The following ADGRV1 variants were observed in gnomAD, a reference collection of about 807,000 sequenced individuals.
ADGRV1 encodes adhesion G protein-coupled receptor V1.
Under a neutral mutation model 596.2 loss-of-function variants are expected in ADGRV1, and 359 were observed. That is an observed-to-expected ratio of 0.60 (90% confidence interval 0.55 to 0.66). ADGRV1 has a LOEUF of 0.66. Ranked by LOEUF, ADGRV1 falls within the 30% of genes least tolerant of loss-of-function variation. The probability of loss-of-function intolerance (pLI) is 0.00; values close to 1 mark genes in which losing one functional copy is unlikely to be tolerated. For missense variants in ADGRV1, 7,274 were observed against 7,575.6 expected, an observed-to-expected ratio of 0.96 and a Z score of 1.48; for synonymous variants, 2,681 against 2,679.2, an observed-to-expected ratio of 1.00 and a Z score of -0.02.
At chr5:90,698,697 T>C (rs1243389928) in intron 34 of ADGRV1, among the ~76,000 whole-genome samples, 2 of 152,030 alleles carry the variant, frequency 1.3e-5, no homozygotes, top group Non-Finnish European at 2.9e-5. Flanking sequence ...AAAATGAATA[T>C]GATGACTTTT....
At chr5:90,777,876 A>G in intron 61 of ADGRV1, 29 bp from the exon 62 acceptor site, 3 of 1,563,384 alleles carry the variant, frequency 1.9e-6, no homozygotes, top group Admixed American at 1.8e-5. Flanking sequence ...ACTGAAATGT[A>G]TTGGATATAC....
intron 59 of ADGRV1, among the ~76,000 whole-genome samples, chr5:90,764,742 C>T (rs764794134): frequency 6.6e-6 from 1 of 152,158 alleles, no homozygotes; most frequent in Non-Finnish European, 1.5e-5. Context: ...GGTATATTTG[C>T]AGGAGATCTG....
intron 77 of ADGRV1, among the ~76,000 whole-genome samples, chr5:90,834,386 T>A (rs1302609240): frequency 1.3e-5 from 2 of 152,122 alleles, no homozygotes; most frequent in Non-Finnish European, 2.9e-5. Context: ...CTCCTTCATG[T>A]TTGAAGGATA....
At chr5:90,913,287 A>T (rs1259617262) in intron 83 of ADGRV1, among the ~76,000 whole-genome samples, 5 of 152,172 alleles carry the variant, frequency 3.3e-5, no homozygotes, top group Non-Finnish European at 5.9e-5. Flanking sequence ...CAGCAATTAC[A>T]CTAGCAATTA....
chr5:91,117,149 T>C (rs1350770146), intron 87 of ADGRV1, among the ~76,000 whole-genome samples: 1 of 152,154 alleles, frequency 6.6e-6, no homozygotes, highest in Non-Finnish European at 1.5e-5. Flanking sequence ...TTCATCAGAG[T>C]ATTCCTCATA....
intron 86 of ADGRV1, among the ~76,000 whole-genome samples, chr5:91,082,145 T>G (rs1298871068): frequency 1.3e-5 from 2 of 152,250 alleles, no homozygotes; most frequent in Admixed American, 1.3e-4. Context: ...TCTTTAACCC[T>G]TAATGTGGCT....
At chr5:91,081,711 G>A (rs554416378) in intron 86 of ADGRV1, among the ~76,000 whole-genome samples, 21 of 152,100 alleles carry the variant, frequency 1.4e-4, no homozygotes, top group Admixed American at 2.6e-4. Context: ...TCTTGAACCC[G>A]GGAGGCAGAG....
At position 90,658,233 on chromosome 5, in the gene ADGRV1, C is replaced by A; in HGVS notation, c.4707C>A (p.Asp1569Glu). The change falls in exon 21 of 90, where the codon GAC becomes GAA. Residue 1569 changes from aspartate to glutamate, a missense_variant. This residue lies in a region of ADGRV1 where 3,643 missense variants were observed against 3,809.2 expected (regional missense o/e 0.96). Transcript: ENST00000405460. The stretch of plus-strand genomic sequence containing the variant: ...CAAGATTAACAATACAAAAAAGTGA[C>A]AATGCAAATGGCTTGTTTGGTTTCA... ...TTARLTIQKSDNANGLFGFTG... is the reference protein window; with the variant it reads ...TTARLTIQKSENANGLFGFTG... 1 of 1,543,292 alleles carries A rather than the reference C, an allele frequency of 6.5e-7. No homozygotes were observed.
chr5:91,057,891 G>A (rs531209741), intron 85 of ADGRV1, among the ~76,000 whole-genome samples: 6 of 152,242 alleles, frequency 3.9e-5, no homozygotes, highest in African/African-American at 9.6e-5. Flanking sequence ...GAAGGAATAC[G>A]TGTGTCTGTG....
At position 90,627,443 on chromosome 5, in the gene ADGRV1, C is replaced by T. The variant is rs1764910737; in HGVS notation, c.905C>T (p.Ser302Leu). Residue 302 changes from serine to leucine, a missense_variant, in exon 7 of 90, where the codon TCA becomes TTA. Physicochemically the swap from Ser to Leu is moderately radical, Grantham distance 145. Around this residue, in one of 5 missense-constraint regions of ADGRV1, gnomAD observed 1,715 missense variants for 1,708.8 expected, o/e 1.00. Transcript: ENST00000405460. ...NLIGSDEYEV[S>L]ISYAVTTGNS... ...ATTGGATCTGATGAATATGAGGTTT[C>T]AATCAGTTATGCTGTCACAACTGGG... is the stretch of plus-strand genomic sequence containing the variant. The T allele has an allele frequency of 9.3e-6, 15 of 1,613,780 alleles. No homozygotes were observed. The highest frequency in any genetic ancestry group is 1.3e-5 in the Non-Finnish European group (15 of 1,179,824).
chr5:90,637,575 T>A (rs991046104), intron 10 of ADGRV1, 150 bp from the exon 11 acceptor site: 10 of 432,946 alleles, frequency 2.3e-5, no homozygotes, highest in Non-Finnish European at 3.2e-5. Flanking sequence ...TGTTTGGTTG[T>A]GTTTTAATGC....
At chr5:91,136,497 A>T (rs2367286) in intron 87 of ADGRV1, among the ~76,000 whole-genome samples, 1 of 152,132 alleles carries the variant, frequency 6.6e-6, no homozygotes, top group Non-Finnish European at 1.5e-5. Context: ...GGCCACCTCA[A>T]CTGGTAGGAA....
intron 85 of ADGRV1, among the ~76,000 whole-genome samples, chr5:90,999,865 A>T (rs1254790189): frequency 6.6e-6 from 1 of 152,142 alleles, no homozygotes; most frequent in Non-Finnish European, 1.5e-5. Flanking sequence ...GTCAAACAGG[A>T]TACTTCATAC....
intron 83 of ADGRV1, among the ~76,000 whole-genome samples, chr5:90,881,389 A>AG (rs1406658132): frequency 2.0e-5 from 3 of 152,212 alleles, no homozygotes; most frequent in African/African-American, 7.2e-5. Flanking sequence ...TGTGTGGTGA[A>AG]GGGGTCTAAT....
chr5:90,781,318 T>C (rs1581103002), intron 64 of ADGRV1, 112 bp from the exon 65 acceptor site: 2 of 793,962 alleles, frequency 2.5e-6, no homozygotes, highest in Non-Finnish European at 4.3e-6. Flanking sequence ...TTGCAGTACT[T>C]TATAGAACTA....
At chr5:90,965,291 GA>G in intron 83 of ADGRV1, 123 bp from the exon 84 acceptor site, 1 of 654,270 alleles carries the variant, frequency 1.5e-6, no homozygotes, top group East Asian at 2.8e-5. Flanking sequence ...GTTTGGGCAA[GA>G]AGTCAACTTA....
chr5:90,566,422 G>T (rs1423124601), intron 1 of ADGRV1, among the ~76,000 whole-genome samples: 1 of 151,642 alleles, frequency 6.6e-6, no homozygotes, highest in African/African-American at 2.4e-5. Context: ...TTTTTTCATT[G>T]AATTGGCTAG....
chr5:90,928,898 G>A (rs1181188787), intron 83 of ADGRV1, among the ~76,000 whole-genome samples: 17 of 144,612 alleles, frequency 1.2e-4, no homozygotes, highest in Admixed American at 6.9e-5. Flanking sequence ...GCCGTGTGAG[G>A]TGTCAGTGTG....
intron 83 of ADGRV1, among the ~76,000 whole-genome samples, chr5:90,865,855 CAT>C (rs1768041116): frequency 6.6e-6 from 1 of 152,028 alleles, no homozygotes; most frequent in Non-Finnish European, 1.5e-5. Flanking sequence ...ATTTTAAAGT[CAT>C]GTTTATAGCT....
Sources: gnomAD v4.1 joint callset for allele counts (sites outside exome capture counted in the v4.1 genomes callset) on GRCh38, gnomAD v4.1.1 for gene constraint, gnomAD v4.1.1 regional missense constraint, MANE v1.5 for transcripts, NCBI Gene and HGNC (gene_info 2026-07-23, HGNC 2026-07-21) for gene names.